NEK5: variants seen among roughly 807,000 people sequenced by gnomAD.
The protein encoded by NEK5 is serine/threonine-protein kinase Nek5.
In NEK5, 88 loss-of-function variants were observed where a neutral mutation model predicts 109.2. That is an observed-to-expected ratio of 0.81 (90% CI 0.68 to 0.96). NEK5 has a LOEUF of 0.96. Among genes scored for constraint, NEK5 ranks in the 40% least tolerant of loss-of-function variants. NEK5 has a pLI of 0.00. For missense variants in NEK5, 834 were observed against 920.7 expected (o/e 0.91, Z 1.22); for synonymous variants, 283 against 299.9 (o/e 0.94, Z 0.58).
At chr13:52,062,490 G>A (rs1174102975) in intron 21 of NEK5, among the ~76,000 whole-genome samples, 1 of 150,702 alleles carries the variant, frequency 6.6e-6, no homozygotes, top group African/African-American at 2.4e-5. Flanking sequence ...TCACGATCTT[G>A]GCTCACTGCA....
chr13:52,050,025 G>A, intron 23 of NEK5, 79 bp downstream of exon 23: 1 of 380,388 alleles, frequency 2.6e-6, no homozygotes, highest in Non-Finnish European at 3.6e-6. Flanking sequence ...GTCTCAGTTG[G>A]CTATTTTGAA....
chr13:52,064,184 T>C (rs1205424954), intron 21 of NEK5, among the ~76,000 whole-genome samples: 15 of 99,970 alleles, frequency 1.5e-4, no homozygotes, highest in South Asian at 3.6e-4. Flanking sequence ...GGTGGGGGGG[T>C]CAGCCCCCCG....
Position 52,108,408 on chromosome 13 carries a change from G to C in NEK5, c.468-4C>G, listed in dbSNP as rs763114570. 5 of 1,545,856 alleles carry C rather than the reference G, an allele frequency of 3.2e-6. No homozygotes were observed. The South Asian group carries it at 4.5e-5, about 14-fold the overall frequency. ...AGTTCGAGCAAGTTCCATGGAACTA[G>C]TAAATTATATTAAATAATAAATCAG... On this transcript the variant is annotated splice_polypyrimidine_tract_variant and splice_region_variant and intron_variant, in intron 7 of 23. Coordinates refer to ENST00000684899, the MANE Select transcript of NEK5 (RefSeq NM_001365552.1).
chr13:52,090,688 CTCTG>C (rs1439986275), intron 13 of NEK5, among the ~76,000 whole-genome samples: 1 of 152,158 alleles, frequency 6.6e-6, no homozygotes, highest in Non-Finnish European at 1.5e-5. Context: ...TTCTCTATCT[CTCTG>C]TCTACCTATT....
rs759832094 is a variant in NEK5, at chr13:52,093,132, T to C, written c.1130A>G (p.Tyr377Cys). The C allele has an allele frequency of 3.1e-6, 5 of 1,613,552 alleles. No individual in the cohort carries two copies. Among genetic ancestry groups the C allele is most frequent in the Non-Finnish European group, 4.2e-6 (5 of 1,179,594 alleles). The change falls in exon 13 of 24, where the codon TAT (tyrosine) becomes TGT (cysteine). Residue 377 changes from tyrosine (Y) to cysteine (C), a missense_variant. Transcript: ENST00000684899. The stretch of plus-strand genomic sequence containing the variant: ...AGTATTTTCTTGAGGAATAGGGTGA[T>C]AACTTGGTTTGTGGGCTCTCCTCCT... ...MLRRRAHKPS[Y>C]HPIPQENTGV...
chr13:52,051,840 A>G (rs929456294), intron 22 of NEK5, among the ~76,000 whole-genome samples: 3 of 152,164 alleles, frequency 2.0e-5, no homozygotes, highest in African/African-American at 4.8e-5. Context: ...CAGGATCTTT[A>G]CCCTAAAACA....
chr13:52,080,416 C>G (rs1007870536), intron 17 of NEK5, among the ~76,000 whole-genome samples: 6 of 151,960 alleles, frequency 3.9e-5, no homozygotes, highest in Non-Finnish European at 7.4e-5. Context: ...TGAGAACGGG[C>G]CATGATGACA....
At chr13:52,077,821 T>C (rs1360452020) in intron 17 of NEK5, among the ~76,000 whole-genome samples, 3 of 152,194 alleles carry the variant, frequency 2.0e-5, no homozygotes, top group African/African-American at 7.2e-5. Context: ...ACACCTGTAA[T>C]CCCAGCACTT....
At position 52,033,803 on chromosome 13, in the gene NEK5, C is replaced by CTGA. The variant is rs1198131822; in HGVS notation, c.*3142_*3144dup. ...TAAATATACCCCAGAGTCCAAAACT[C>CTGA]TGATATATTCATATATATTCACAAT... On this transcript the variant is annotated 3_prime_UTR_variant, in exon 24 of 24. Transcript: ENST00000684899. The CTGA allele has an allele frequency of 6.6e-6, 1 of 152,166 alleles. No homozygotes were observed. Among genetic ancestry groups the CTGA allele is most frequent in the Non-Finnish European group, 1.5e-5 (1 of 68,032 alleles). The allele number at this position is 152,166 out of a possible 1,614,324, so 9.4% of individuals were successfully genotyped here.
Position 52,102,284 on chromosome 13 carries a change from A to C in NEK5, c.618T>G (p.Gly206=), listed in dbSNP as rs759146882. 1 of 1,613,568 alleles carries C rather than the reference A, an allele frequency of 6.2e-7. No homozygotes were observed. The highest frequency in any genetic ancestry group is 1.1e-5 in the South Asian group (1 of 91,066). ...TCAGAACCAGCTGCTGTAAGTTGTT[A>C]CCCTCAAACTGAAAGGACAAGGAGA... is the stretch of plus-strand genomic sequence containing the variant. ...ELCTLKHPFE[G]NNLQQLVLKI... The change falls in exon 10 of 24, where the codon GGT becomes GGG. Residue 206 remains glycine, a synonymous_variant. Coordinates refer to ENST00000684899, the MANE Select transcript of NEK5 (RefSeq NM_001365552.1).
intron 22 of NEK5, among the ~76,000 whole-genome samples, chr13:52,060,905 G>T (rs1954608782): frequency 6.6e-6 from 1 of 151,858 alleles, no homozygotes; most frequent in African/African-American, 2.4e-5. Flanking sequence ...TGCTCTGTCA[G>T]CCAGGCTGGA....
chr13:52,045,130 C>CCT, intron 23 of NEK5, among the ~76,000 whole-genome samples: 1 of 108,724 alleles, frequency 9.2e-6, no homozygotes, highest in East Asian at 2.7e-4. Flanking sequence ...AATAAAAAAT[C>CCT]TTTTTTTTTT....
chr13:52,087,876 T>C (rs1014159586), intron 14 of NEK5, among the ~76,000 whole-genome samples: 6 of 151,460 alleles, frequency 4.0e-5, no homozygotes, highest in South Asian at 2.1e-4. Context: ...CTGCCCGCCT[T>C]GGCCTCCCAA....
In NEK5 at chr13:52,063,341, C is replaced by T. The variant is rs747300199; in HGVS notation, c.1976-1388G>A. Among the ~76,000 whole-genome samples the T allele has an allele frequency of 7.0e-3, 1,066 of 152,358 alleles. 4 individuals carry two copies. The highest frequency in any genetic ancestry group is 0.01 in the Middle Eastern group (3 of 294). On this transcript the variant is annotated intron_variant, in intron 21 of 23. Transcript: ENST00000684899. ...CTGCCAGCCTCGGCCTCCCGAGGTG[C>T]CGGGTTTGCAGACGGAGTCTGGTTC...
At chr13:52,056,634 T>G (rs922342181) in intron 22 of NEK5, among the ~76,000 whole-genome samples, 1 of 148,722 alleles carries the variant, frequency 6.7e-6, no homozygotes, top group Admixed American at 6.8e-5. Flanking sequence ...GAACTCAGGA[T>G]TAAGAATCTC....
chr13:52,066,830 C>A lies in NEK5; in HGVS notation c.1850-1221G>T, dbSNP rs184568425. 5.6e-4 allele frequency among the ~76,000 whole-genome samples: 84 copies of A among 150,440 alleles called. 1 individual carries two copies. Among genetic ancestry groups the A allele is most frequent in the Middle Eastern group, 3.5e-3 (1 of 288 alleles). On this transcript the variant is annotated intron_variant, in intron 20 of 23. Transcript: ENST00000684899. ...AAAAAAAAAAAAAATGACCTATGTTCTTTTATTTCATTTTCTAATGTATAA... is the reference window on the plus strand; with the variant it reads ...AAAAAAAAAAAAAATGACCTATGTTATTTTATTTCATTTTCTAATGTATAA...
intron 17 of NEK5, among the ~76,000 whole-genome samples, chr13:52,079,988 C>T (rs1259022016): frequency 1.3e-4 from 20 of 151,628 alleles, no homozygotes; most frequent in African/African-American, 3.4e-4. Flanking sequence ...TCTGCCCGGC[C>T]GCCCCATCTG....
At chr13:52,104,573 C>T (rs1415829385) in intron 8 of NEK5, 21 bp from the exon 9 acceptor site, 1 of 1,551,470 alleles carries the variant, frequency 6.4e-7, no homozygotes, top group Admixed American at 1.7e-5. Flanking sequence ...TAAGAGTTTA[C>T]ATGCCAAGAA....
At chr13:52,083,712 C>CT (rs1317369013) in intron 16 of NEK5, among the ~76,000 whole-genome samples, 1 of 151,982 alleles carries the variant, frequency 6.6e-6, no homozygotes. Context: ...AATTTTTTGT[C>CT]TTTTTAGTAG....
Sources: allele counts gnomAD v4.1 joint callset (sites outside exome capture counted in the v4.1 genomes callset), GRCh38; gene constraint gnomAD v4.1.1; transcripts MANE v1.5; gene names NCBI Gene and HGNC (gene_info 2026-07-23, HGNC 2026-07-21).